Variants in GPR179 observed in about 807,000 individuals in gnomAD.
The protein encoded by GPR179 is probable G protein-coupled receptor 179.
In GPR179, 52 loss-of-function variants were observed where a neutral mutation model predicts 70.8. That is an observed-to-expected ratio of 0.73 (90% CI 0.59 to 0.93). The LOEUF (loss-of-function observed/expected upper bound fraction) is 0.93. GPR179 is among the 40% of genes least tolerant of loss of function. GPR179 has a pLI of 0.00. For missense variants in GPR179, 2,734 were observed against 2,966.8 expected, an observed-to-expected ratio of 0.92 and a Z score of 1.82; for synonymous variants, 1,123 against 1,169.0, an observed-to-expected ratio of 0.96 and a Z score of 0.80.
At position 38,339,420 on chromosome 17, in the gene GPR179, G is replaced by A. The variant is rs563512231; in HGVS notation, c.900C>T (p.Thr300=). 6.2e-7 allele frequency: 1 copy of A among 1,601,146 alleles called. No individual in the cohort carries two copies. The highest frequency in any genetic ancestry group is 1.1e-5 in the South Asian group (1 of 90,758). Residue 300 remains threonine, a synonymous_variant, in exon 2 of 11, where the codon ACC becomes ACT. Transcript: ENST00000616987. ...SNTHLCDLNS[T]QCVPLESQGF... Reference sequence around the variant, plus strand: ...CCCCCATCCTCCTCATCCTTACCTGGGTGCTGTTGAGATCACACAGGTGTG... The same window carrying A: ...CCCCCATCCTCCTCATCCTTACCTGAGTGCTGTTGAGATCACACAGGTGTG...
intron 10 of GPR179, 63 bp from the exon 11 acceptor site, chr17:38,331,594 G>A: frequency 1.3e-6 from 2 of 1,535,864 alleles, no homozygotes; most frequent in Admixed American, 4.0e-5. Context: ...CTGGCTGTCT[G>A]TTCCTCCACC....
intron 1 of GPR179, among the ~76,000 whole-genome samples, chr17:38,342,569 C>T (rs1391819348): frequency 1.3e-5 from 2 of 152,172 alleles, no homozygotes; most frequent in Non-Finnish European, 2.9e-5. Context: ...GAACTCCTGA[C>T]CTCAGGTGAT....
Position 38,324,816 on chromosome 17 carries a change from G to C in GPR179, c.*1649C>G, listed in dbSNP as rs1194266728. 6.6e-6 allele frequency among the ~76,000 whole-genome samples: 1 copy of C among 152,170 alleles called. No homozygotes were observed. The highest frequency in any genetic ancestry group is 1.5e-5 in the Non-Finnish European group (1 of 68,038). ...ATAAGGGCCCTAGGTAAGAGAATGA[G>C]GACATCTGGTCCCCAAAGGAGAGTA... On this transcript the variant is annotated 3_prime_UTR_variant, in exon 11 of 11. Coordinates refer to ENST00000616987, the MANE Select transcript of GPR179 (RefSeq NM_001004334.4).
rs2037285771 is a variant in GPR179 at position 38,326,416 on chromosome 17, CT to C, written c.*48del. 3 of 1,418,496 alleles carry C rather than the reference CT, an allele frequency of 2.1e-6. No individual in the cohort carries two copies. The highest frequency in any genetic ancestry group is 1.9e-4 in the Middle Eastern group (1 of 5,254). 87.9% of individuals were successfully genotyped at this position (1,418,496 alleles called of 1,614,324 possible). A position where few individuals can be genotyped will look rare whatever the true frequency, so the allele number is the denominator to read the frequency against. On this transcript the variant is annotated 3_prime_UTR_variant, in exon 11 of 11. Transcript: ENST00000616987. ...GGGAACACCTGGACTTGGAAAGGGC[CT>C]TGGCTCCTGAAAGCTAGCTCTGTGT... is the stretch of plus-strand genomic sequence containing the variant.
rs1270216051 is a variant in GPR179, at chr17:38,327,992, T to TA, written c.5576dup (p.Ser1860IlefsTer41). The TA allele has an allele frequency of 7.4e-6, 12 of 1,614,084 alleles. No homozygotes were observed. The highest frequency in any genetic ancestry group is 1.7e-5 in the Admixed American group (1 of 60,010). ...GACACAGTTTTGCCATCCCTTTTGA[T>TA]ACGTCTTCTCCCAGGGAAGTGAGTC... On this transcript the variant is annotated frameshift_variant, in exon 11 of 11. Transcript: ENST00000616987. LOFTEE classifies it low-confidence loss of function (END_TRUNC).
rs2037296433 is a variant in GPR179 at position 38,327,222 on chromosome 17, A to G, written c.6347T>C (p.Leu2116Pro). ...AGAGGGAGCCTCTACCACTTCCCAC[A>G]GACACACTTCCGCTACCCTGGTCTC... Reference protein sequence around the residue: ...SVETRVAEVCLWEVVEAPSAK... With the variant: ...SVETRVAEVCPWEVVEAPSAK... Residue 2116 changes from leucine to proline, a missense_variant, in exon 11 of 11, where the codon CTG becomes CCG. Leu to Pro is a moderately conservative substitution (Grantham distance 98, BLOSUM62 -3). Transcript: ENST00000616987. The G allele has an allele frequency of 6.2e-7, 1 of 1,614,166 alleles. No individual in the cohort carries two copies. The highest frequency in any genetic ancestry group is 1.7e-5 in the Admixed American group (1 of 60,018).
chr17:38,342,254 C>T (rs1032987248), intron 1 of GPR179, among the ~76,000 whole-genome samples: 1 of 152,140 alleles, frequency 6.6e-6, no homozygotes, highest in Non-Finnish European at 1.5e-5. Flanking sequence ...CACTGTCATC[C>T]ACACCAAGAC....
Position 38,329,288 on chromosome 17 carries a change from A to G in GPR179, c.4281T>C (p.Leu1427=). ...GGAAATCTGTACTCTCCCATGGACA[A>G]AGAGACTCCAAGTCTCCTCCCGGTT... ...EQKPGGDLES[L]CPWESTDFRG... The change falls in exon 11 of 11, where the codon CTT becomes CTC. Residue 1427 remains leucine (L), a synonymous_variant. Transcript: ENST00000616987. 2 of 1,612,996 alleles carry G rather than the reference A, an allele frequency of 1.2e-6. No homozygotes were observed. Among genetic ancestry groups the G allele is most frequent in the East Asian group, 2.2e-5 (1 of 44,868 alleles).
chr17:38,333,215 C>A (rs1181549997), intron 10 of GPR179, 36 bp downstream of exon 10: 1 of 1,602,304 alleles, frequency 6.2e-7, no homozygotes, highest in South Asian at 1.1e-5. Flanking sequence ...TTCCTAAAAG[C>A]TAGCATTGAA....
chr17:38,330,948 T>G lies in GPR179; in HGVS notation c.2621A>C (p.Lys874Thr), dbSNP rs2037351469. Residue 874 changes from lysine (K) to threonine (T), a missense_variant, in exon 11 of 11, where the codon AAG becomes ACG. By Grantham distance (78) the Lys-to-Thr change is moderately conservative. Transcript: ENST00000616987. ...RQAKEREERK[K>T]AKAAMASLVR... is the part of the protein sequence containing the mutation. Reference sequence around the variant, plus strand: ...CAGGCTGGCCATGGCTGCCTTGGCCTTCTTCCGCTCCTCCCGCTCCTTTGC... The same window carrying G: ...CAGGCTGGCCATGGCTGCCTTGGCCGTCTTCCGCTCCTCCCGCTCCTTTGC... 3.1e-6 allele frequency: 5 copies of G among 1,611,182 alleles called. No homozygotes were observed. The South Asian group carries it at 3.3e-5, about 11-fold the overall frequency.
At position 38,329,004 on chromosome 17, in the gene GPR179, A is replaced by G; in HGVS notation, c.4565T>C (p.Val1522Ala). Residue 1522 changes from valine (V) to alanine (A), a missense_variant, in exon 11 of 11, where the codon GTG (valine) becomes GCG (alanine). Val to Ala is a moderately conservative substitution (Grantham distance 64). Coordinates refer to ENST00000616987, the MANE Select transcript of GPR179 (RefSeq NM_001004334.4). The part of the protein sequence containing the change: ...GSFGEMGEQT[V>A]KAVQKLSQQQ... The stretch of plus-strand genomic sequence containing the variant: ...TTGACTTAATTTCTGCACTGCTTTC[A>G]CAGTTTGTTCCCCCATCTCTCCAAA... 1.2e-6 allele frequency: 2 copies of G among 1,613,958 alleles called. No individual in the cohort carries two copies. Among genetic ancestry groups the G allele is most frequent in the Non-Finnish European group, 1.7e-6 (2 of 1,180,012 alleles).
Position 38,327,971 on chromosome 17 carries a change from C to T in GPR179, c.5598G>A (p.Leu1866=). Reference sequence around the variant, plus strand: ...TACAAATAGTTTCCTGTTGTTGACACAGTTTTGCCATCCCTTTTGATACGT... The same window carrying T: ...TACAAATAGTTTCCTGTTGTTGACATAGTTTTGCCATCCCTTTTGATACGT... ...GEDVSKGMAK[L]CQQQETICIW... Residue 1866 remains leucine (L), a synonymous_variant, in exon 11 of 11, where the codon CTG becomes CTA. Coordinates refer to ENST00000616987, the MANE Select transcript of GPR179 (RefSeq NM_001004334.4). 5 of 1,614,200 alleles carry T rather than the reference C, an allele frequency of 3.1e-6. No homozygotes were observed. Among genetic ancestry groups the T allele is most frequent in the South Asian group, 1.1e-5 (1 of 91,084 alleles).
Position 38,334,875 on chromosome 17 carries a change from C to T in GPR179, c.1646-33G>A. The T allele has an allele frequency of 6.2e-7, 1 of 1,607,796 alleles. No individual in the cohort carries two copies. The highest frequency in any genetic ancestry group is 8.5e-7 in the Non-Finnish European group (1 of 1,177,718). On this transcript the variant is annotated intron_variant, in intron 7 of 10. Coordinates refer to ENST00000616987, the MANE Select transcript of GPR179 (RefSeq NM_001004334.4). The surrounding 1 kb of genome is among the most constrained non-coding windows in gnomAD (Gnocchi z 4.7). ...GAGACAGGGAGGGAGAGAGCCGGCA[C>T]CACCTCAGCAGCTGTCCCACCCCTT...
chr17:38,324,610 A>T lies in GPR179; in HGVS notation c.*1855T>A, dbSNP rs1198633038. 8.8e-6 allele frequency among the ~76,000 whole-genome samples: 1 copy of T among 113,866 alleles called. No homozygotes were observed. Among genetic ancestry groups the T allele is most frequent in the African/African-American group, 3.2e-5 (1 of 30,814 alleles). 74.7% of individuals were successfully genotyped at this position (113,866 alleles called of 152,430 possible). A position where few individuals can be genotyped will look rare whatever the true frequency, so the allele number is the denominator to read the frequency against. On this transcript the variant is annotated 3_prime_UTR_variant, in exon 11 of 11. Transcript: ENST00000616987. ...TCTTTATTTCCGCCCCGCCCCCCCCACCCCATGGTTTATTTCACAAGAGTG... is the reference window on the plus strand; with the variant it reads ...TCTTTATTTCCGCCCCGCCCCCCCCTCCCCATGGTTTATTTCACAAGAGTG...
chr17:38,334,583 G>C lies in GPR179; in HGVS notation c.1784+121C>G, dbSNP rs4293432. 980,150 of 1,077,644 alleles carry C rather than the reference G, an allele frequency of 0.91. 447,709 individuals carry two copies. The highest frequency in any genetic ancestry group is 0.94 in the Admixed American group (46,669 of 49,566). 66.8% of individuals were successfully genotyped at this position (1,077,644 alleles called of 1,614,324 possible). On this transcript the variant is annotated intron_variant, in intron 8 of 10. Coordinates refer to ENST00000616987, the MANE Select transcript of GPR179 (RefSeq NM_001004334.4). This position sits in a 1 kb window ranked among gnomAD's most constrained non-coding sequence, Gnocchi z 4.7. The stretch of plus-strand genomic sequence containing the variant: ...GAGAGAGCCAGAAGTGGGGGCCTTC[G>C]TCAACGTGCTGAGGCGTAGCAGTGT...
At chr17:38,342,403 G>A (rs370802927) in intron 1 of GPR179, among the ~76,000 whole-genome samples, 8 of 150,816 alleles carry the variant, frequency 5.3e-5, no homozygotes, top group Non-Finnish European at 1.0e-4. Flanking sequence ...GCGTGATCTC[G>A]GGTCACCGCA....
rs2037311580 is a variant in GPR179, at chr17:38,328,357, G to A, written c.5212C>T (p.Leu1738Phe). The A allele has an allele frequency of 8.1e-6, 13 of 1,613,640 alleles. No individual in the cohort carries two copies. Among genetic ancestry groups the A allele is most frequent in the Non-Finnish European group, 1.1e-5 (13 of 1,179,950 alleles). The change falls in exon 11 of 11, where the codon CTT becomes TTT. Residue 1738 changes from leucine (L) to phenylalanine (F), a missense_variant. Coordinates refer to ENST00000616987, the MANE Select transcript of GPR179 (RefSeq NM_001004334.4). ...GTAACAGCTCTCTCCCTGGGTCCAA[G>A]ATCTGCAGAAACCTTGCCTGTATCA... ...PNDTGKVSAD[L>F]GPRERAVTAP...
Position 38,327,468 on chromosome 17 carries a change from C to G in GPR179, c.6101G>C (p.Arg2034Thr). ...TERIPVKGVSRQDGKGDSQEE... is the reference protein window; with the variant it reads ...TERIPVKGVSTQDGKGDSQEE... ...TTGAGAGTCCCCTTTTCCATCCTGC[C>G]TTGACACCCCTTTGACAGGGATTCT... The change falls in exon 11 of 11, where the codon AGG (arginine) becomes ACG (threonine). Residue 2034 changes from arginine (R) to threonine (T), a missense_variant. Coordinates refer to ENST00000616987, the MANE Select transcript of GPR179 (RefSeq NM_001004334.4). 6.2e-7 allele frequency: 1 copy of G among 1,614,236 alleles called. No homozygotes were observed. The highest frequency in any genetic ancestry group is 1.1e-5 in the South Asian group (1 of 91,092).
rs759650403 is a variant in GPR179 at position 38,327,494 on chromosome 17, T to A, written c.6075A>T (p.Glu2025Asp). 3.1e-6 allele frequency: 5 copies of A among 1,614,234 alleles called. No individual in the cohort carries two copies. Among genetic ancestry groups the A allele is most frequent in the Non-Finnish European group, 2.5e-6 (3 of 1,180,036 alleles). The change falls in exon 11 of 11, where the codon GAA (glutamate) becomes GAT (aspartate). Residue 2025 changes from glutamate to aspartate, a missense_variant. By Grantham distance (45) the Glu-to-Asp change is conservative (BLOSUM62 2). Coordinates refer to ENST00000616987, the MANE Select transcript of GPR179 (RefSeq NM_001004334.4). ...KAETCPWEVTERIPVKGVSRQ... is the reference protein window; with the variant it reads ...KAETCPWEVTDRIPVKGVSRQ... ...TTGACACCCCTTTGACAGGGATTCTTTCAGTCACTTCCCAGGGACAGGTCT... is the reference window on the plus strand; with the variant it reads ...TTGACACCCCTTTGACAGGGATTCTATCAGTCACTTCCCAGGGACAGGTCT...
Sources: allele counts gnomAD v4.1 joint callset (sites outside exome capture counted in the v4.1 genomes callset), GRCh38; gene constraint gnomAD v4.1.1; non-coding constraint Gnocchi (gnomAD v3.1); transcripts MANE v1.5; gene names NCBI Gene and HGNC (gene_info 2026-07-23, HGNC 2026-07-21).